The following COG5 variants were observed in gnomAD, a reference collection of about 807,000 sequenced individuals.
COG5 encodes component of oligomeric golgi complex 5, also known as conserved oligomeric Golgi complex subunit 5.
In COG5, 86 loss-of-function variants were observed where a neutral mutation model predicts 110.4. The ratio of observed to expected loss-of-function variants is 0.78; its 90% CI spans 0.65 to 0.93. The LOEUF is 0.93. Ranked by LOEUF, COG5 falls within the 40% of genes least tolerant of loss-of-function variation. The pLI is 0.00. For synonymous variants in COG5, 360 were observed against 334.6 expected (o/e 1.08, Z -0.83); for missense variants, 1,077 against 987.0 (o/e 1.09, Z -1.22).
intron 6 of COG5, among the ~76,000 whole-genome samples, chr7:107,502,343 T>C (rs1446321653): frequency 6.6e-6 from 1 of 152,146 alleles, no homozygotes; most frequent in Non-Finnish European, 1.5e-5. Flanking sequence ...ACACATTACT[T>C]CATTCCTTTT....
At chr7:107,445,911 A>G (rs756204933) in intron 6 of COG5, among the ~76,000 whole-genome samples, 2 of 152,216 alleles carry the variant, frequency 1.3e-5, no homozygotes, top group Non-Finnish European at 1.5e-5. Flanking sequence ...TCAAAAATAC[A>G]TAAATACAGG....
At chr7:107,519,808 C>T (rs2520253) in intron 6 of COG5, among the ~76,000 whole-genome samples, 62,696 of 151,570 alleles carry the variant, frequency 0.41, 13,255 homozygotes, top group Non-Finnish European at 0.47. Flanking sequence ...GTCAGCATCA[C>T]TCTGATACCA....
intron 10 of COG5, among the ~76,000 whole-genome samples, chr7:107,327,489 C>A (rs1335842487): frequency 2.6e-5 from 4 of 151,942 alleles, no homozygotes; most frequent in African/African-American, 7.3e-5. Context: ...AGGAAACAAT[C>A]AATAGAGTAA....
chr7:107,226,595 C>A (rs1464808884), intron 19 of COG5, among the ~76,000 whole-genome samples: 1 of 152,244 alleles, frequency 6.6e-6, no homozygotes, highest in Non-Finnish European at 1.5e-5. Flanking sequence ...TGCAAAGAAG[C>A]TGGCAGGGCC....
intron 6 of COG5, among the ~76,000 whole-genome samples, chr7:107,517,951 G>A (rs187604980): frequency 9.2e-5 from 14 of 152,112 alleles, no homozygotes; most frequent in Middle Eastern, 3.4e-3. Flanking sequence ...CCGCCTCGGC[G>A]TCCCAAAGTG....
At chr7:107,492,884 G>A (rs1328957356) in intron 6 of COG5, among the ~76,000 whole-genome samples, 2 of 152,074 alleles carry the variant, frequency 1.3e-5, no homozygotes, top group African/African-American at 4.8e-5. Flanking sequence ...TGCCTATTGT[G>A]CCATACTTGT....
chr7:107,563,569 A>T, intron 1 of COG5: 1 of 532,702 alleles, frequency 1.9e-6, no homozygotes, highest in Non-Finnish European at 3.4e-6. Context: ...TCGAGTTGAA[A>T]TGAGGAACAC....
Position 107,531,569 on chromosome 7 carries a change from C to T in COG5, c.418-4212G>A, listed in dbSNP as rs114526724. ...ACTAAAAATAAATACTTAATCTTTC[C>T]CTTATTAGTTTTCAAAATGAAGAAA... On this transcript the variant is annotated intron_variant, in intron 5 of 21. Coordinates refer to ENST00000297135, the MANE Select transcript of COG5 (RefSeq NM_006348.5). 5.5e-3 allele frequency among the ~76,000 whole-genome samples: 840 copies of T among 151,470 alleles called. 8 individuals are homozygous for T. The highest frequency in any genetic ancestry group is 0.02 in the African/African-American group (809 of 41,268).
At chr7:107,381,033 C>T (rs1452934324) in intron 7 of COG5, among the ~76,000 whole-genome samples, 1 of 152,074 alleles carries the variant, frequency 6.6e-6, no homozygotes, top group African/African-American at 2.4e-5. Flanking sequence ...CATAAATTCC[C>T]ACATAAATTG....
intron 7 of COG5, among the ~76,000 whole-genome samples, chr7:107,402,000 A>T (rs1392842833): frequency 3.3e-5 from 5 of 152,230 alleles, no homozygotes; most frequent in African/African-American, 1.2e-4. Flanking sequence ...TCCTTGCTGT[A>T]CCAGAAATAA....
intron 6 of COG5, among the ~76,000 whole-genome samples, chr7:107,490,186 G>C (rs1382092611): frequency 6.6e-6 from 1 of 151,988 alleles, no homozygotes; most frequent in Non-Finnish European, 1.5e-5. Flanking sequence ...CTCTCTTCCA[G>C]TATCGTCCCC....
chr7:107,400,352 T>A (rs1185991662), intron 7 of COG5, among the ~76,000 whole-genome samples: 1 of 152,134 alleles, frequency 6.6e-6, no homozygotes, highest in African/African-American at 2.4e-5. Flanking sequence ...CAAATTAATC[T>A]ATAAAGACAA....
At chr7:107,446,076 A>G (rs79290704) in intron 6 of COG5, among the ~76,000 whole-genome samples, 3,285 of 152,302 alleles carry the variant, frequency 0.022, 61 homozygotes, top group East Asian at 0.091. Flanking sequence ...CCATATTCAC[A>G]TGATATGACA....
At position 107,331,612 on chromosome 7, in the gene COG5, G is replaced by A. The variant is rs111895476; in HGVS notation, c.1027-7091C>T. Among the ~76,000 whole-genome samples, 826 of 152,278 alleles carry A rather than the reference G, an allele frequency of 5.4e-3. 3 individuals carry two copies. The highest frequency in any genetic ancestry group is 0.02 in the Middle Eastern group (6 of 294). On this transcript the variant is annotated intron_variant, in intron 10 of 21. Coordinates refer to ENST00000297135, the MANE Select transcript of COG5 (RefSeq NM_006348.5). ...AAGGTACCTTTCTATGGCCAGAGTA[G>A]TAGAGTAAGAGTGGGCAGCAGGAAA... is the stretch of plus-strand genomic sequence containing the variant.
intron 19 of COG5, among the ~76,000 whole-genome samples, chr7:107,214,155 T>C (rs909370610): frequency 2.0e-5 from 3 of 152,146 alleles, no homozygotes; most frequent in Non-Finnish European, 2.9e-5. Flanking sequence ...GTTTTAACTG[T>C]AGACTTGTAC....
chr7:107,240,578 G>A (rs1038967711), intron 17 of COG5, among the ~76,000 whole-genome samples: 4 of 152,290 alleles, frequency 2.6e-5, no homozygotes, highest in Admixed American at 1.3e-4. Context: ...TAGACTTGAA[G>A]GTAAACTTTA....
At chr7:107,534,193 T>A (rs572293376) in intron 5 of COG5, among the ~76,000 whole-genome samples, 2 of 151,680 alleles carry the variant, frequency 1.3e-5, no homozygotes, top group South Asian at 4.1e-4. Flanking sequence ...GAAAAACTGG[T>A]ACCAGCCACT....
chr7:107,337,903 C>T (rs1179280030), intron 10 of COG5, among the ~76,000 whole-genome samples: 1 of 151,980 alleles, frequency 6.6e-6, no homozygotes, highest in Admixed American at 6.6e-5. Context: ...ATCATAAGTA[C>T]CCCATGAATA....
chr7:107,541,095 G>A (rs1337970251), intron 5 of COG5, among the ~76,000 whole-genome samples: 2 of 151,438 alleles, frequency 1.3e-5, no homozygotes. Flanking sequence ...AGGTTGCAGT[G>A]AGCCAAGATC....
Sources: gnomAD v4.1 joint callset for allele counts (sites outside exome capture counted in the v4.1 genomes callset) on GRCh38, gnomAD v4.1.1 for gene constraint, MANE v1.5 for transcripts, NCBI Gene and HGNC (gene_info 2026-07-23, HGNC 2026-07-21) for gene names.